The following DMXL2 variants were observed in gnomAD, a reference collection of about 807,000 sequenced individuals.
DMXL2 encodes the protein Dmx like 2, also known as dmX-like protein 2.
Under a neutral mutation model 331.1 loss-of-function variants are expected in DMXL2, and 103 were observed. That is an observed-to-expected ratio of 0.31 (90% CI 0.27 to 0.37). The LOEUF (loss-of-function observed/expected upper bound fraction) is 0.37. Ranked by LOEUF, DMXL2 falls within the 10% of genes least tolerant of loss-of-function variation. The pLI is 1.00. For synonymous variants in DMXL2, 1,281 were observed against 1,252.1 expected (o/e 1.02, Z -0.49); for missense variants, 3,171 against 3,642.9 (o/e 0.87, Z 3.33).
chr15:51,575,708 A>C (rs1454446270), intron 2 of DMXL2, among the ~76,000 whole-genome samples: 1 of 152,186 alleles, frequency 6.6e-6, no homozygotes, highest in Non-Finnish European at 1.5e-5. Flanking sequence ...TTGATGTTAT[A>C]GTATGAGTGA....
intron 33 of DMXL2, chr15:51,462,946 A>G (rs2040256970): frequency 6.5e-6 from 1 of 154,166 alleles, no homozygotes; most frequent in Non-Finnish European, 1.4e-5. Flanking sequence ...ATTCTCTCAC[A>G]AAAGTATCCT....
intron 6 of DMXL2, among the ~76,000 whole-genome samples, chr15:51,551,017 C>T (rs905862848): frequency 1.3e-5 from 2 of 151,790 alleles, no homozygotes; most frequent in South Asian, 2.1e-4. Flanking sequence ...GTAGCAGAGG[C>T]GGTGGAAAAT....
intron 2 of DMXL2, among the ~76,000 whole-genome samples, chr15:51,575,064 CA>C (rs1444594154): frequency 6.6e-6 from 1 of 152,008 alleles, no homozygotes; most frequent in Non-Finnish European, 1.5e-5. Flanking sequence ...ATTAGAAAAG[CA>C]AGAAACAAGT....
In DMXL2 at chr15:51,517,070, G is replaced by A. The variant is rs374431723; in HGVS notation, c.2526+8C>T. On this transcript the variant is annotated splice_region_variant and intron_variant, in intron 14 of 43. Transcript: ENST00000560891. ...ACGAATATCACCAATTCACAAGCAT[G>A]TTTTTACTTGGTTGGTTATTGCGTC... The A allele has an allele frequency of 1.4e-5, 23 of 1,610,596 alleles. No homozygotes were observed. The East Asian group carries it at 4.7e-4, about 33-fold the overall frequency.
At chr15:51,572,917 T>C (rs1030709458) in intron 2 of DMXL2, among the ~76,000 whole-genome samples, 3 of 152,166 alleles carry the variant, frequency 2.0e-5, no homozygotes, top group Admixed American at 6.5e-5. Flanking sequence ...TTCAACACAG[T>C]ACTGGAAGTT....
intron 16 of DMXL2, among the ~76,000 whole-genome samples, chr15:51,504,366 A>G (rs1197142417): frequency 6.6e-6 from 1 of 152,226 alleles, no homozygotes; most frequent in Non-Finnish European, 1.5e-5. Context: ...CACAAAAACC[A>G]AAAGTTCTAA....
chr15:51,466,822 C>T (rs1277598901), intron 29 of DMXL2, among the ~76,000 whole-genome samples: 3 of 151,916 alleles, frequency 2.0e-5, no homozygotes, highest in African/African-American at 7.2e-5. Context: ...TGTTTTGGAA[C>T]TTTAAAATGA....
intron 5 of DMXL2, 74 bp from the exon 6 acceptor site, chr15:51,563,521 A>T: frequency 2.9e-6 from 3 of 1,018,502 alleles, no homozygotes; most frequent in Non-Finnish European, 4.2e-6. Context: ...TCAAGATGAG[A>T]TTTTTGTAAC....
chr15:51,532,165 G>A (rs2048036892), intron 13 of DMXL2, among the ~76,000 whole-genome samples: 2 of 151,828 alleles, frequency 1.3e-5, no homozygotes, highest in Non-Finnish European at 2.9e-5. Flanking sequence ...AAAAAAATGT[G>A]GTACTTACAT....
At chr15:51,500,469 T>C (rs2140494052) in intron 17 of DMXL2, among the ~76,000 whole-genome samples, 1 of 152,286 alleles carries the variant, frequency 6.6e-6, no homozygotes, top group South Asian at 2.1e-4. Context: ...ACTTAATTTG[T>C]TTTTAGGTAA....
At chr15:51,600,201 T>G (rs1481822281) in intron 1 of DMXL2, among the ~76,000 whole-genome samples, 1 of 152,202 alleles carries the variant, frequency 6.6e-6, no homozygotes, top group African/African-American at 2.4e-5. Flanking sequence ...ACACAGTTTT[T>G]AGTTCTCCAT....
At chr15:51,515,351 T>C (rs910243241) in intron 14 of DMXL2, among the ~76,000 whole-genome samples, 10 of 152,170 alleles carry the variant, frequency 6.6e-5, no homozygotes, top group Non-Finnish European at 1.3e-4. Flanking sequence ...GCTATGATTA[T>C]CTTGGCATTG....
intron 1 of DMXL2, among the ~76,000 whole-genome samples, chr15:51,618,030 G>A (rs1246341915): frequency 6.6e-6 from 1 of 152,146 alleles, no homozygotes; most frequent in African/African-American, 2.4e-5. Context: ...ATTTCTCTTA[G>A]AAAACAAGTC....
chr15:51,455,167 T>C lies in DMXL2; in HGVS notation c.8588A>G (p.Asn2863Ser). 3.7e-6 allele frequency: 6 copies of C among 1,614,012 alleles called. No individual in the cohort carries two copies. Among genetic ancestry groups the C allele is most frequent in the South Asian group, 3.3e-5 (3 of 91,074 alleles). The stretch of plus-strand genomic sequence containing the variant: ...GATACTTACCATATAAGGTTTAGGA[T>C]TTGATGCAGTTTGGTTAACTTGCCA... ...SIWQVNQTAS[N>S]PKPYMSWQCH... The change falls in exon 40 of 44, where the codon AAT (asparagine) becomes AGT (serine). Residue 2863 changes from asparagine (N) to serine (S), a missense_variant. Physicochemically the swap from Asn to Ser is conservative, Grantham distance 46 (BLOSUM62 1). This residue lies in a region of DMXL2 where 766 missense variants were observed against 940.5 expected (regional missense o/e 0.81). Coordinates refer to ENST00000560891, the MANE Select transcript of DMXL2 (RefSeq NM_001378457.1).
intron 3 of DMXL2, chr15:51,567,242 C>CT (rs1401621687): frequency 1.3e-5 from 2 of 151,972 alleles, no homozygotes; most frequent in Non-Finnish European, 2.9e-5. Context: ...GGGGTTTCAC[C>CT]ATGTTGGCCA....
chr15:51,596,842 G>A (rs1214651746), intron 1 of DMXL2, among the ~76,000 whole-genome samples: 1 of 152,074 alleles, frequency 6.6e-6, no homozygotes, highest in Non-Finnish European at 1.5e-5. Flanking sequence ...AACACCGCAT[G>A]TTCTCACTCA....
chr15:51,480,398 T>C (rs1206816225), intron 24 of DMXL2, 144 bp downstream of exon 24: 4 of 1,077,710 alleles, frequency 3.7e-6, no homozygotes, highest in Admixed American at 3.1e-5. Flanking sequence ...ACATAGAGTA[T>C]AAATATCTGC....
At chr15:51,511,058 A>T (rs1465978152) in intron 15 of DMXL2, among the ~76,000 whole-genome samples, 1 of 152,220 alleles carries the variant, frequency 6.6e-6, no homozygotes, top group Non-Finnish European at 1.5e-5. Context: ...GGGACTGAAG[A>T]CTGAAACGTA....
chr15:51,566,615 T>C (rs1418164081), intron 3 of DMXL2, among the ~76,000 whole-genome samples: 1 of 152,154 alleles, frequency 6.6e-6, no homozygotes, highest in Non-Finnish European at 1.5e-5. Context: ...TTCACAATAC[T>C]ATTATAGGGA....
Sources: gnomAD v4.1 joint callset for allele counts (sites outside exome capture counted in the v4.1 genomes callset) on GRCh38, gnomAD v4.1.1 for gene constraint, gnomAD v4.1.1 regional missense constraint, MANE v1.5 for transcripts, NCBI Gene and HGNC (gene_info 2026-07-23, HGNC 2026-07-21) for gene names.